Variants in SARNP observed in about 807,000 individuals in gnomAD.
SARNP encodes the protein SAP domain-containing ribonucleoprotein.
A neutral mutation model predicts 38.1 loss-of-function variants in SARNP; 5 were observed. The observed-to-expected ratio is 0.13, with a 90% confidence interval of 0.07 to 0.28. The LOEUF (loss-of-function observed/expected upper bound fraction) is 0.28. SARNP is among the 10% of genes least tolerant of loss of function. The pLI, the probability that SARNP is intolerant of heterozygous loss-of-function variation, is 1.00. For synonymous variants in SARNP, 84 were observed against 80.6 expected, an observed-to-expected ratio of 1.04 and a Z score of -0.23; for missense variants, 180 against 243.9, an observed-to-expected ratio of 0.74 and a Z score of 1.75.
At chr12:55,765,160 C>T (rs930772249) in intron 9 of SARNP, among the ~76,000 whole-genome samples, 4 of 152,190 alleles carry the variant, frequency 2.6e-5, no homozygotes, top group African/African-American at 9.7e-5. Flanking sequence ...AGTACTTCAG[C>T]AAGTTCAAAT....
At chr12:55,770,351 G>A (rs986578945) in intron 9 of SARNP, among the ~76,000 whole-genome samples, 6 of 149,974 alleles carry the variant, frequency 4.0e-5, no homozygotes, top group African/African-American at 1.2e-4. Context: ...TCAGTCTCCC[G>A]AGTAGCTGGG....
At chr12:55,795,180 G>A (rs1467716861) in intron 5 of SARNP, among the ~76,000 whole-genome samples, 1 of 151,888 alleles carries the variant, frequency 6.6e-6, no homozygotes, top group African/African-American at 2.4e-5. Context: ...GGCTGATATT[G>A]AACTCCTGGC....
At chr12:55,782,972 G>C (rs771308265) in intron 9 of SARNP, among the ~76,000 whole-genome samples, 3 of 152,040 alleles carry the variant, frequency 2.0e-5, no homozygotes, top group Non-Finnish European at 4.4e-5. Flanking sequence ...TTAGCTGGGT[G>C]TGGTGGCGCA....
intron 1 of SARNP, among the ~76,000 whole-genome samples, 196 bp downstream of exon 1, chr12:55,817,470 T>C (rs775604372): frequency 7.2e-5 from 11 of 152,098 alleles, no homozygotes; most frequent in Non-Finnish European, 1.2e-4. Flanking sequence ...CAAATAAATA[T>C]AGCAGTAAAG....
At chr12:55,802,826 T>C (rs1362709470) in intron 2 of SARNP, among the ~76,000 whole-genome samples, 1 of 151,214 alleles carries the variant, frequency 6.6e-6, no homozygotes, top group East Asian at 1.9e-4. Flanking sequence ...ACCGAGTGAA[T>C]TAAGTAAAAT....
intron 9 of SARNP, among the ~76,000 whole-genome samples, chr12:55,780,338 C>T (rs1311670116): frequency 6.6e-6 from 1 of 152,020 alleles, no homozygotes. Context: ...CCCGTAATCC[C>T]AGCTATTCGG....
At chr12:55,763,614 C>A (rs751378788) in intron 9 of SARNP, among the ~76,000 whole-genome samples, 1 of 152,098 alleles carries the variant, frequency 6.6e-6, no homozygotes, top group Non-Finnish European at 1.5e-5. Flanking sequence ...GGCTCATTTA[C>A]TACTTTATTT....
At chr12:55,779,444 T>C (rs1052305736) in intron 9 of SARNP, among the ~76,000 whole-genome samples, 4 of 152,236 alleles carry the variant, frequency 2.6e-5, no homozygotes, top group African/African-American at 7.2e-5. Flanking sequence ...TTGAGTATAT[T>C]TGAATAGAAC....
chr12:55,788,100 C>T (rs1879558456), intron 9 of SARNP, among the ~76,000 whole-genome samples: 1 of 152,198 alleles, frequency 6.6e-6, no homozygotes, highest in South Asian at 2.1e-4. Context: ...CCTGCCACCA[C>T]TTTGACAACC....
chr12:55,815,384 A>T (rs541935222), intron 1 of SARNP, among the ~76,000 whole-genome samples: 2 of 152,314 alleles, frequency 1.3e-5, no homozygotes, highest in African/African-American at 2.4e-5. Context: ...TCAACCCAGA[A>T]GTCAGGATCA....
At chr12:55,794,956 T>TAAAA in intron 5 of SARNP, 76 bp from the exon 6 acceptor site, 1 of 344,670 alleles carries the variant, frequency 2.9e-6, no homozygotes, top group African/African-American at 2.6e-5. Context: ...GTAGGTATCT[T>TAAAA]TAAAAAAAAA....
At chr12:55,806,188 C>A (rs939666005) in intron 1 of SARNP, among the ~76,000 whole-genome samples, 1 of 151,970 alleles carries the variant, frequency 6.6e-6, no homozygotes, top group Non-Finnish European at 1.5e-5. Context: ...AACTTCACCT[C>A]TCTATGCCTC....
intron 9 of SARNP, among the ~76,000 whole-genome samples, chr12:55,763,733 G>GT (rs1279631709): frequency 8.5e-5 from 13 of 152,278 alleles, no homozygotes; most frequent in African/African-American, 3.1e-4. Context: ...GATTACAGGT[G>GT]TGAGCCACTG....
At chr12:55,791,087 C>G (rs187687310) in intron 7 of SARNP, among the ~76,000 whole-genome samples, 1 of 152,102 alleles carries the variant, frequency 6.6e-6, no homozygotes, top group Non-Finnish European at 1.5e-5. Flanking sequence ...AATCCAGTCA[C>G]AAAAGACAAT....
At chr12:55,808,331 T>G (rs1198600681) in intron 1 of SARNP, among the ~76,000 whole-genome samples, 2 of 151,888 alleles carry the variant, frequency 1.3e-5, no homozygotes, top group East Asian at 1.9e-4. Context: ...AATTTTTTTT[T>G]TTTTGAGATG....
chr12:55,762,263 G>C (rs1029509465), intron 9 of SARNP, among the ~76,000 whole-genome samples: 14 of 152,112 alleles, frequency 9.2e-5, no homozygotes, highest in Non-Finnish European at 1.8e-4. Context: ...GTCCAGCCTG[G>C]GTAGACAGAG....
intron 2 of SARNP, 67 bp from the exon 3 acceptor site, chr12:55,800,967 A>C: frequency 7.6e-7 from 1 of 1,320,870 alleles, no homozygotes; most frequent in Non-Finnish European, 1.1e-6. Flanking sequence ...TACCAAGGTT[A>C]AAATTATAAT....
At chr12:55,759,421 T>C (rs1286088438) in intron 10 of SARNP, among the ~76,000 whole-genome samples, 1 of 141,290 alleles carries the variant, frequency 7.1e-6, no homozygotes, top group Non-Finnish European at 1.6e-5. Flanking sequence ...TTTCTTTTCT[T>C]TTTTTTTTTT....
At chr12:55,757,600 T>C (rs1355693971) in intron 10 of SARNP, 47 bp from the exon 11 acceptor site, 2 of 1,505,992 alleles carry the variant, frequency 1.3e-6, no homozygotes, top group Non-Finnish European at 1.8e-6. Flanking sequence ...AAGACAATAG[T>C]TGCCTGGGTT....
Sources: gnomAD v4.1 joint callset for allele counts (sites outside exome capture counted in the v4.1 genomes callset) on GRCh38, gnomAD v4.1.1 for gene constraint, MANE v1.5 for transcripts, NCBI Gene and HGNC (gene_info 2026-07-23, HGNC 2026-07-21) for gene names.